Variants in ARHGAP39 observed in about 807,000 individuals in gnomAD.
The protein encoded by ARHGAP39 is Rho GTPase activating protein 39.
A neutral mutation model predicts 106.9 loss-of-function variants in ARHGAP39; 44 were observed. The ratio of observed to expected loss-of-function variants is 0.41; its 90% CI spans 0.32 to 0.53. The LOEUF is 0.53. Among genes scored for constraint, ARHGAP39 ranks in the 20% least tolerant of loss-of-function variants. ARHGAP39 has a pLI of 0.21. For missense variants in ARHGAP39, 1,496 were observed against 1,577.3 expected (o/e 0.95, Z 0.87); for synonymous variants, 768 against 693.2 (o/e 1.11, Z -1.69).
Position 144,569,946 on chromosome 8 carries a change from C to T in ARHGAP39, c.512+10900G>A, listed in dbSNP as rs368086822. 3.5e-4 allele frequency among the ~76,000 whole-genome samples: 53 copies of T among 152,224 alleles called. No homozygotes were observed. The South Asian group carries it at 9.1e-3, about 26-fold the overall frequency. On this transcript the variant is annotated intron_variant, in intron 3 of 11. Transcript: ENST00000377307. Reference sequence around the variant, plus strand: ...GAAAAGCGTATATGCTGAGGCTGGGCGCGGTGGCTCAGGCCTGTAATCCCA... The same window carrying T: ...GAAAAGCGTATATGCTGAGGCTGGGTGCGGTGGCTCAGGCCTGTAATCCCA...
intron 1 of ARHGAP39, among the ~76,000 whole-genome samples, chr8:144,624,191 T>G (rs1254231633): frequency 2.6e-5 from 4 of 152,198 alleles, no homozygotes; most frequent in Non-Finnish European, 5.9e-5. Context: ...CACCTGTGCC[T>G]GCCATGTTAG....
intron 3 of ARHGAP39, among the ~76,000 whole-genome samples, chr8:144,573,996 AACCTCGTCTCT>A (rs1320980033): frequency 4.6e-5 from 7 of 151,752 alleles, no homozygotes; most frequent in Non-Finnish European, 7.4e-5. Flanking sequence ...AACATGGCAA[AACCTCGTCTCT>A]ACTAAAAATA....
rs1254856676 is a variant in ARHGAP39, at chr8:144,556,679, A to C, written c.513-1036T>G. Among the ~76,000 whole-genome samples the C allele has an allele frequency of 2.7e-5, 4 of 147,580 alleles. No individual in the cohort carries two copies. In the South Asian group the frequency reaches 8.6e-4, roughly 32 times the overall value. ...TCAGAGGCAAAGGCTGAACCTTCAT[A>C]GTATTCAGAGGCAAAAGGCTGAACC... On this transcript the variant is annotated intron_variant, in intron 3 of 11. Transcript: ENST00000377307.
intron 3 of ARHGAP39, among the ~76,000 whole-genome samples, chr8:144,574,782 G>C (rs2130889650): frequency 6.6e-6 from 1 of 152,338 alleles, no homozygotes; most frequent in African/African-American, 2.4e-5. Context: ...CTTGAGCCTG[G>C]GAGTTGAAGG....
intron 1 of ARHGAP39, among the ~76,000 whole-genome samples, chr8:144,662,349 T>A (rs547405942): frequency 1.6e-5 from 2 of 123,748 alleles, no homozygotes; most frequent in South Asian, 5.8e-4. Flanking sequence ...GCGATTCCCC[T>A]CTCCCCGTTA....
chr8:144,559,473 A>C (rs1818066015), intron 3 of ARHGAP39, among the ~76,000 whole-genome samples: 1 of 152,154 alleles, frequency 6.6e-6, no homozygotes, highest in Non-Finnish European at 1.5e-5. Context: ...ATATAAAATA[A>C]TTCAGGAGAC....
At position 144,679,198 on chromosome 8, in the gene ARHGAP39, C is replaced by A. The variant is rs910133281; in HGVS notation, c.-82+6488G>T. 5.3e-5 allele frequency among the ~76,000 whole-genome samples: 8 copies of A among 152,208 alleles called. No individual in the cohort carries two copies. The highest frequency in any genetic ancestry group is 1.9e-4 in the African/African-American group (8 of 41,452). On this transcript the variant is annotated intron_variant, in intron 1 of 11. Transcript: ENST00000377307. The surrounding 1 kb of genome is among the most constrained non-coding windows in gnomAD (Gnocchi z 4.7). ...GGCTGAGGGGAGACATCCAGCTGCACCTTCAGTCATGGTGAGATGGCCCAG... is the reference window on the plus strand; with the variant it reads ...GGCTGAGGGGAGACATCCAGCTGCAACTTCAGTCATGGTGAGATGGCCCAG...
intron 1 of ARHGAP39, among the ~76,000 whole-genome samples, chr8:144,648,193 G>T (rs1258125332): frequency 1.3e-5 from 2 of 152,170 alleles, no homozygotes; most frequent in African/African-American, 4.8e-5. Flanking sequence ...GGCCCCAGCT[G>T]CTCTGATTTC....
At chr8:144,612,034 G>A (rs1820507927) in intron 1 of ARHGAP39, among the ~76,000 whole-genome samples, 1 of 151,784 alleles carries the variant, frequency 6.6e-6, no homozygotes. Flanking sequence ...AAAGGAGGAT[G>A]AGGCCAGAGG....
At chr8:144,583,489 C>T (rs1819076624) in intron 2 of ARHGAP39, among the ~76,000 whole-genome samples, 1 of 152,136 alleles carries the variant, frequency 6.6e-6, no homozygotes, top group African/African-American at 2.4e-5. Flanking sequence ...TAAGGTTCCC[C>T]ACCGTAGCAT....
rs1820203777 is a variant in ARHGAP39 at position 144,604,350 on chromosome 8, G to A, written c.80+1185C>T. ...ATGGCATTCTCCTGAAAAACTGTCA[G>A]ACAAACCCAAACCAAGGAACTCTCT... is the stretch of plus-strand genomic sequence containing the variant. On this transcript the variant is annotated intron_variant, in intron 2 of 11. Transcript: ENST00000377307. The surrounding 1 kb of genome is among the most constrained non-coding windows in gnomAD (Gnocchi z 4.1). 6.6e-6 allele frequency among the ~76,000 whole-genome samples: 1 copy of A among 152,164 alleles called. No homozygotes were observed. Among genetic ancestry groups the A allele is most frequent in the African/African-American group, 2.4e-5 (1 of 41,446 alleles).
In ARHGAP39 at chr8:144,669,101, C is replaced by A. The variant is rs369445087; in HGVS notation, c.-82+16585G>T. On this transcript the variant is annotated intron_variant, in intron 1 of 11. Transcript: ENST00000377307. ...AATCTCTCCAACACATGGTGCCAAG[C>A]AACTGTGTTAAAAAAGCAAAGCAGG... 4.0e-5 allele frequency among the ~76,000 whole-genome samples: 6 copies of A among 150,848 alleles called. No individual in the cohort carries two copies. The East Asian group carries it at 9.9e-4, about 25-fold the overall frequency.
chr8:144,535,596 T>C (rs967106647), intron 7 of ARHGAP39, among the ~76,000 whole-genome samples: 9 of 152,230 alleles, frequency 5.9e-5, no homozygotes, highest in Non-Finnish European at 1.3e-4. Flanking sequence ...AGCTGGGACA[T>C]GTAGTCACTA....
At chr8:144,686,493 C>T (rs893329387), upstream of ARHGAP39, among the ~76,000 whole-genome samples, 2 of 152,150 alleles carry the variant, frequency 1.3e-5, no homozygotes, top group South Asian at 2.1e-4. Context: ...CCTGAAGCTT[C>T]GATAGTAGAA....
At chr8:144,568,478 A>T (rs1186576553) in intron 3 of ARHGAP39, among the ~76,000 whole-genome samples, 1 of 149,306 alleles carries the variant, frequency 6.7e-6, no homozygotes, top group East Asian at 2.0e-4. Context: ...ATGGACACAA[A>T]TCTGGATCTA....
intron 1 of ARHGAP39, among the ~76,000 whole-genome samples, chr8:144,615,330 G>GA (rs959720031): frequency 1.8e-3 from 263 of 143,220 alleles, no homozygotes; most frequent in Middle Eastern, 7.2e-3. Context: ...CTAAAAATTA[G>GA]AAAAAAAAAA....
chr8:144,583,272 T>C (rs977241587), intron 2 of ARHGAP39, among the ~76,000 whole-genome samples: 1 of 152,256 alleles, frequency 6.6e-6, no homozygotes, highest in East Asian at 1.9e-4. Context: ...CTTCCTTTTA[T>C]TTTTAAAGTT....
chr8:144,669,420 T>C (rs1045506122), intron 1 of ARHGAP39, among the ~76,000 whole-genome samples: 2 of 133,788 alleles, frequency 1.5e-5, no homozygotes, highest in African/African-American at 5.8e-5. Context: ...GGCAGGAGAA[T>C]AGCGTGAACC....
intron 7 of ARHGAP39, among the ~76,000 whole-genome samples, chr8:144,535,900 T>C (rs1816934494): frequency 6.6e-6 from 1 of 152,218 alleles, no homozygotes; most frequent in Non-Finnish European, 1.5e-5. Context: ...CAGCTGCCGG[T>C]GTCACAACTG....
Sources: allele counts gnomAD v4.1 joint callset (sites outside exome capture counted in the v4.1 genomes callset), GRCh38; gene constraint gnomAD v4.1.1; non-coding constraint Gnocchi (gnomAD v3.1); transcripts MANE v1.5; gene names NCBI Gene and HGNC (gene_info 2026-07-23, HGNC 2026-07-21).